NGLY1: variants seen among roughly 807,000 people sequenced by gnomAD.
The protein encoded by NGLY1 is N-glycanase 1, also known as peptide-N(4)-(N-acetyl-beta-glucosaminyl)asparagine amidase.
In NGLY1, 68 loss-of-function variants were observed where a neutral mutation model predicts 84.6. The observed-to-expected ratio is 0.80, with a 90% CI of 0.66 to 0.98. The LOEUF (loss-of-function observed/expected upper bound fraction) is 0.98, where lower values mean the gene tolerates loss of function less well. Among genes scored for constraint, NGLY1 ranks in the 50% least tolerant of loss-of-function variants. NGLY1 has a pLI of 0.00. For missense variants in NGLY1, 779 were observed against 770.2 expected (o/e 1.01, Z -0.14); for synonymous variants, 280 against 275.2 (o/e 1.02, Z -0.17).
chr3:25,751,369 T>A, intron 3 of NGLY1, 106 bp from the exon 4 acceptor site: 1 of 905,624 alleles, frequency 1.1e-6, no homozygotes, highest in African/African-American at 1.7e-5. Context: ...GAAGGGAATG[T>A]ATGGATTCAC....
intron 3 of NGLY1, among the ~76,000 whole-genome samples, chr3:25,760,090 T>C (rs1460639642): frequency 6.6e-6 from 1 of 152,108 alleles, no homozygotes; most frequent in Non-Finnish European, 1.5e-5. Context: ...TCAATAAACT[T>C]ATTTAAAGAA....
rs889952056 is a variant in NGLY1 at position 25,783,391 on chromosome 3, G to T, written c.-1C>A. On this transcript the variant is annotated 5_prime_UTR_variant, in exon 1 of 12. Transcript: ENST00000280700. The surrounding 1 kb of genome is among the most constrained non-coding windows in gnomAD (Gnocchi z 4.5). Reference sequence around the variant, plus strand: ...AGCTGCCCAATGCCGCCGCCGCCATGCTTGAGCGCCAGCGGGCGCCGCCGC... The same window carrying T: ...AGCTGCCCAATGCCGCCGCCGCCATTCTTGAGCGCCAGCGGGCGCCGCCGC... 1 of 1,533,024 alleles carries T rather than the reference G, an allele frequency of 6.5e-7. No homozygotes were observed. Among genetic ancestry groups the T allele is most frequent in the Non-Finnish European group, 8.8e-7 (1 of 1,140,936 alleles). The allele number at this position is 1,533,024 out of a possible 1,614,324, so 95.0% of individuals were successfully genotyped here. A position where few individuals can be genotyped will look rare whatever the true frequency, so the allele number is the denominator to read the frequency against.
intron 10 of NGLY1, among the ~76,000 whole-genome samples, chr3:25,726,255 C>CTA (rs1358695128): frequency 6.6e-6 from 1 of 152,136 alleles, no homozygotes; most frequent in African/African-American, 2.4e-5. Flanking sequence ...CCAATCTTTA[C>CTA]TAAACACTTA....
chr3:25,729,069 G>T, intron 10 of NGLY1, 64 bp downstream of exon 10: 2 of 1,106,598 alleles, frequency 1.8e-6, no homozygotes, highest in South Asian at 6.4e-5. Context: ...ACTGAAAAAT[G>T]AAGCCAATCT....
chr3:25,735,266 C>T (rs187752392), intron 7 of NGLY1: 7 of 152,052 alleles, frequency 4.6e-5, no homozygotes, highest in Admixed American at 4.6e-4. Flanking sequence ...CATAAAAAGA[C>T]AAACTACAGA....
At chr3:25,761,240 A>G (rs112234875) in intron 3 of NGLY1, among the ~76,000 whole-genome samples, 84 of 152,362 alleles carry the variant, frequency 5.5e-4, no homozygotes, top group African/African-American at 1.9e-3. Flanking sequence ...TACTAAATGT[A>G]TATTTTAAGC....
Position 25,719,363 on chromosome 3 carries a change from G to A in NGLY1, c.*97C>T. On this transcript the variant is annotated 3_prime_UTR_variant, in exon 12 of 12. Coordinates refer to ENST00000280700, the MANE Select transcript of NGLY1 (RefSeq NM_018297.4). ...GATAGCTAGCAAAAGAAATATGCTA[G>A]CACAGGGTGGTAACTGCCAACTAAG... is the stretch of plus-strand genomic sequence containing the variant. The A allele has an allele frequency of 4.3e-6, 4 of 925,438 alleles. No individual in the cohort carries two copies. The highest frequency in any genetic ancestry group is 6.7e-6 in the Non-Finnish European group (4 of 600,290). The allele number at this position is 925,438 out of a possible 1,614,324, so 57.3% of individuals were successfully genotyped here.
intron 3 of NGLY1, among the ~76,000 whole-genome samples, chr3:25,755,881 T>C (rs959679975): frequency 6.6e-6 from 1 of 152,214 alleles, no homozygotes; most frequent in African/African-American, 2.4e-5. Context: ...TGTTTCTTAA[T>C]AGTTTCATTA....
At chr3:25,770,281 T>C (rs1054991762) in intron 2 of NGLY1, among the ~76,000 whole-genome samples, 3 of 152,188 alleles carry the variant, frequency 2.0e-5, no homozygotes, top group Admixed American at 1.3e-4. Context: ...CCCGAGTAGC[T>C]GGGACTACAA....
chr3:25,745,042 C>T (rs528043809), intron 4 of NGLY1, among the ~76,000 whole-genome samples: 3 of 152,154 alleles, frequency 2.0e-5, no homozygotes, highest in African/African-American at 4.8e-5. Context: ...ACTCATTATG[C>T]CTACCATACC....
At chr3:25,755,186 A>C in intron 3 of NGLY1, 1 of 1,307,576 alleles carries the variant, frequency 7.6e-7, no homozygotes, top group Middle Eastern at 2.3e-4. Context: ...TCTTCCCCCA[A>C]GAGGTTTCTT....
chr3:25,744,052 C>T (rs1480201745), intron 4 of NGLY1, among the ~76,000 whole-genome samples: 1 of 152,136 alleles, frequency 6.6e-6, no homozygotes, highest in Non-Finnish European at 1.5e-5. Flanking sequence ...TTACCATCTT[C>T]AAAAATACCA....
intron 7 of NGLY1, chr3:25,735,582 G>GA (rs1460098586): frequency 6.5e-6 from 1 of 154,404 alleles, no homozygotes; most frequent in East Asian, 1.9e-4. Flanking sequence ...TACTGCTTGC[G>GA]AAAATGTAAA....
At chr3:25,733,691 G>A (rs1030844817) in intron 8 of NGLY1, among the ~76,000 whole-genome samples, 181 bp downstream of exon 8, 18 of 151,714 alleles carry the variant, frequency 1.2e-4, no homozygotes, top group East Asian at 3.9e-4. Flanking sequence ...AAATGAGTCC[G>A]CAAAATTTTC....
At position 25,741,827 on chromosome 3, in the gene NGLY1, C is replaced by A. The variant is rs571062909; in HGVS notation, c.659-2028G>T. Among the ~76,000 whole-genome samples, 501 of 151,664 alleles carry A rather than the reference C, an allele frequency of 3.3e-3. 5 individuals carry two copies. Among genetic ancestry groups the A allele is most frequent in the Non-Finnish European group, 2.5e-3 (172 of 67,924 alleles). On this transcript the variant is annotated intron_variant, in intron 4 of 11. Transcript: ENST00000280700. ...CCAACATGGTGAAACCCCGTCTCTACTAAAAATACAAAAGAAAAAAAAAAT... is the reference window on the plus strand; with the variant it reads ...CCAACATGGTGAAACCCCGTCTCTAATAAAAATACAAAAGAAAAAAAAAAT...
chr3:25,771,390 T>C (rs1359092326), intron 2 of NGLY1, among the ~76,000 whole-genome samples: 1 of 152,224 alleles, frequency 6.6e-6, no homozygotes, highest in African/African-American at 2.4e-5. Context: ...TTCTATTCTA[T>C]TGGTTTATGT....
At chr3:25,774,234 T>C (rs1315626043) in intron 2 of NGLY1, among the ~76,000 whole-genome samples, 1 of 152,186 alleles carries the variant, frequency 6.6e-6, no homozygotes, top group Non-Finnish European at 1.5e-5. Context: ...ATGGTTTCAG[T>C]TGGTTGGCCC....
At chr3:25,741,427 TTAGGACAAATAG>T (rs890412772) in intron 4 of NGLY1, among the ~76,000 whole-genome samples, 105 of 152,114 alleles carry the variant, frequency 6.9e-4, no homozygotes, top group African/African-American at 2.4e-3. Context: ...ATAAATGATA[TTAGGACAAATAG>T]CTATCTATCA....
intron 6 of NGLY1, 129 bp downstream of exon 6, chr3:25,737,205 T>A (rs1181217798): frequency 1.4e-6 from 1 of 714,710 alleles, no homozygotes; most frequent in Non-Finnish European, 2.2e-6. Context: ...ATTACTGTTT[T>A]ACACAAGGCA....
Sources: gnomAD v4.1 joint callset for allele counts (sites outside exome capture counted in the v4.1 genomes callset) on GRCh38, gnomAD v4.1.1 for gene constraint, Gnocchi (gnomAD v3.1) non-coding constraint, MANE v1.5 for transcripts, NCBI Gene and HGNC (gene_info 2026-07-23, HGNC 2026-07-21) for gene names.